NTRK2: variants seen among roughly 807,000 people sequenced by gnomAD.
The protein encoded by NTRK2 is neurotrophic receptor tyrosine kinase 2, also known as BDNF/NT-3 growth factors receptor.
In NTRK2, 13 loss-of-function variants were observed where a neutral mutation model predicts 94.5. The ratio of observed to expected loss-of-function variants is 0.14; its 90% CI spans 0.09 to 0.22. NTRK2 has a LOEUF of 0.22. Among genes scored for constraint, NTRK2 ranks in the 10% least tolerant of loss-of-function variants. NTRK2 has a pLI of 1.00. For missense variants in NTRK2, 639 were observed against 1,071.2 expected (o/e 0.60, Z 5.63); for synonymous variants, 372 against 407.4 (o/e 0.91, Z 1.05).
At chr9:84,844,044 G>A (rs1235855935) in intron 12 of NTRK2, among the ~76,000 whole-genome samples, 1 of 152,222 alleles carries the variant, frequency 6.6e-6, no homozygotes, top group Non-Finnish European at 1.5e-5. Flanking sequence ...GGAGATACGA[G>A]AAGAAAGTTG....
intron 5 of NTRK2, among the ~76,000 whole-genome samples, chr9:84,710,187 G>GC (rs1165350300): frequency 6.6e-6 from 1 of 152,142 alleles, no homozygotes; most frequent in Non-Finnish European, 1.5e-5. Flanking sequence ...AAATTGTTCT[G>GC]CCCCCTGCTG....
At chr9:84,815,794 C>A in intron 12 of NTRK2, 1 of 980,732 alleles carries the variant, frequency 1.0e-6, no homozygotes, top group East Asian at 8.8e-5. Context: ...TGGTTGTGTT[C>A]AGAACTGAAG....
chr9:84,744,505 G>A (rs1588310332), intron 10 of NTRK2, among the ~76,000 whole-genome samples: 2 of 151,998 alleles, frequency 1.3e-5, no homozygotes, highest in Non-Finnish European at 2.9e-5. Flanking sequence ...CTGGCGTCAC[G>A]TGTGAGCGCT....
At chr9:84,959,312 T>G (rs528498608) in intron 17 of NTRK2, among the ~76,000 whole-genome samples, 157 of 152,292 alleles carry the variant, frequency 1.0e-3, no homozygotes, top group African/African-American at 3.6e-3. Context: ...TTTGGTTTTG[T>G]TTTCTGACCA....
chr9:84,744,684 G>A (rs1400873764), intron 10 of NTRK2, among the ~76,000 whole-genome samples: 1 of 152,120 alleles, frequency 6.6e-6, no homozygotes, highest in African/African-American at 2.4e-5. Context: ...CATCCATAAA[G>A]GGGTATATGC....
chr9:85,018,432 T>C (rs1315425407), intron 17 of NTRK2, among the ~76,000 whole-genome samples: 1 of 152,174 alleles, frequency 6.6e-6, no homozygotes, highest in East Asian at 1.9e-4. Context: ...CTCTGCAAGG[T>C]GGCAGCAGCA....
At chr9:84,788,044 A>G (rs2068301307) in intron 12 of NTRK2, among the ~76,000 whole-genome samples, 1 of 152,232 alleles carries the variant, frequency 6.6e-6, no homozygotes, top group African/African-American at 2.4e-5. Context: ...AAGCACTTAG[A>G]AGAAAGCTAA....
At chr9:84,975,850 G>T (rs1483555000) in intron 17 of NTRK2, among the ~76,000 whole-genome samples, 1 of 151,870 alleles carries the variant, frequency 6.6e-6, no homozygotes, top group Non-Finnish European at 1.5e-5. Context: ...AAACAGATTT[G>T]AATTAAAGGG....
chr9:84,758,133 T>C (rs1196820130), intron 12 of NTRK2, among the ~76,000 whole-genome samples: 1 of 151,832 alleles, frequency 6.6e-6, no homozygotes, highest in Non-Finnish European at 1.5e-5. Flanking sequence ...CAATTATATA[T>C]ATATATTTAT....
intron 17 of NTRK2, among the ~76,000 whole-genome samples, chr9:84,979,187 T>G (rs544568141): frequency 2.0e-5 from 3 of 152,336 alleles, no homozygotes; most frequent in Admixed American, 1.3e-4. Context: ...AGAGAGTGAT[T>G]CTTCTGATGG....
intron 17 of NTRK2, among the ~76,000 whole-genome samples, chr9:84,958,436 A>G (rs1452541616): frequency 2.0e-5 from 3 of 152,232 alleles, no homozygotes; most frequent in Non-Finnish European, 2.9e-5. Context: ...AGGTGGCAAT[A>G]TTCTGAAGTA....
At chr9:84,907,016 A>G (rs998045251) in intron 14 of NTRK2, among the ~76,000 whole-genome samples, 2 of 152,210 alleles carry the variant, frequency 1.3e-5, no homozygotes, top group Non-Finnish European at 2.9e-5. Context: ...CTGTTGGGGA[A>G]ATTTGTGTAA....
chr9:84,810,409 A>G (rs1350090509), intron 12 of NTRK2: 1 of 848,732 alleles, frequency 1.2e-6, no homozygotes, highest in African/African-American at 1.7e-5. Context: ...TATGGTTTAA[A>G]GTGTATTCCA....
At chr9:84,946,272 T>C (rs2078597168) in intron 15 of NTRK2, among the ~76,000 whole-genome samples, 1 of 152,210 alleles carries the variant, frequency 6.6e-6, no homozygotes, top group Non-Finnish European at 1.5e-5. Context: ...AGGAGAAGTA[T>C]GCCTTTTCCT....
At chr9:84,928,528 C>T (rs564509596) in intron 14 of NTRK2, among the ~76,000 whole-genome samples, 1 of 152,302 alleles carries the variant, frequency 6.6e-6, no homozygotes, top group Non-Finnish European at 1.5e-5. Flanking sequence ...AGGAAACCCT[C>T]TCTGTCTTCA....
intron 12 of NTRK2, among the ~76,000 whole-genome samples, chr9:84,838,478 G>T (rs1431801199): frequency 6.6e-6 from 1 of 152,052 alleles, no homozygotes; most frequent in East Asian, 1.9e-4. Flanking sequence ...TATGCATTAT[G>T]ATCCCAAACT....
Position 84,782,391 on chromosome 9 carries a change from G to GA in NTRK2, c.1396+30308dup, listed in dbSNP as rs1248535923. On this transcript the variant is annotated intron_variant, in intron 12 of 18. Transcript: ENST00000277120. The stretch of plus-strand genomic sequence containing the variant: ...GGCTGTATCCCCTCTATAGGAAACG[G>GA]AACTGTGAAGAAGCAGAGGTTGCTG... 1.8e-4 allele frequency among the ~76,000 whole-genome samples: 28 copies of GA among 152,206 alleles called. 1 individual carries two copies. The highest frequency in any genetic ancestry group is 1.6e-3 in the Admixed American group (24 of 15,278).
intron 2 of NTRK2, among the ~76,000 whole-genome samples, chr9:84,680,905 A>G (rs1319253657): frequency 6.6e-6 from 1 of 152,060 alleles, no homozygotes; most frequent in Non-Finnish European, 1.5e-5. Flanking sequence ...TTCTTGAAAC[A>G]TCCTTTTCCT....
Position 84,857,815 on chromosome 9 carries a change from T to A in NTRK2, c.1397-3225T>A, listed in dbSNP as rs118032497. Among the ~76,000 whole-genome samples the A allele has an allele frequency of 5.0e-3, 759 of 152,264 alleles. 5 individuals carry two copies. Among genetic ancestry groups the A allele is most frequent in the South Asian group, 0.029 (142 of 4,816 alleles). ...CGAATCCTAGGTAGAGAGTCCAGTTTCCATTCTCAGATTGATCTATGGGCT... is the reference window on the plus strand; with the variant it reads ...CGAATCCTAGGTAGAGAGTCCAGTTACCATTCTCAGATTGATCTATGGGCT... On this transcript the variant is annotated intron_variant, in intron 12 of 18. Transcript: ENST00000277120.
Sources: allele counts gnomAD v4.1 joint callset (sites outside exome capture counted in the v4.1 genomes callset), GRCh38; gene constraint gnomAD v4.1.1; transcripts MANE v1.5; gene names NCBI Gene and HGNC (gene_info 2026-07-23, HGNC 2026-07-21).